Variants in GABRG3 observed in about 807,000 individuals in gnomAD.
GABRG3 encodes gamma-aminobutyric acid receptor subunit gamma-3.
In GABRG3, 25 loss-of-function variants were observed where a neutral mutation model predicts 48.8. The observed-to-expected ratio is 0.51, with a 90% CI of 0.37 to 0.72. The LOEUF (loss-of-function observed/expected upper bound fraction) is 0.72. GABRG3 is among the 30% of genes least tolerant of loss of function. The pLI is 0.00. For synonymous variants in GABRG3, 227 were observed against 217.6 expected, an observed-to-expected ratio of 1.04 and a Z score of -0.38; for missense variants, 394 against 577.9, an observed-to-expected ratio of 0.68 and a Z score of 3.26.
At chr15:27,034,859 A>G (rs1337484182) in intron 3 of GABRG3, among the ~76,000 whole-genome samples, 2 of 152,320 alleles carry the variant, frequency 1.3e-5, no homozygotes, top group Non-Finnish European at 2.9e-5. Flanking sequence ...CCTGCTCTAC[A>G]TGCCTGTACA....
intron 3 of GABRG3, among the ~76,000 whole-genome samples, chr15:27,177,655 A>T (rs924219141): frequency 3.9e-5 from 6 of 152,234 alleles, no homozygotes; most frequent in African/African-American, 1.4e-4. Flanking sequence ...GAGTTAACTG[A>T]GTTTGATTTC....
chr15:27,310,976 T>C (rs1892973767), intron 3 of GABRG3, among the ~76,000 whole-genome samples: 1 of 152,178 alleles, frequency 6.6e-6, no homozygotes, highest in Admixed American at 6.6e-5. Context: ...TAGTAGATTA[T>C]AGATTTAAAT....
chr15:27,318,392 A>G (rs1432560962), intron 3 of GABRG3, among the ~76,000 whole-genome samples: 1 of 152,146 alleles, frequency 6.6e-6, no homozygotes, highest in Non-Finnish European at 1.5e-5. Flanking sequence ...GTCCCCTCAG[A>G]TGGGACTTGC....
At position 27,528,556 on chromosome 15, in the gene GABRG3, G is replaced by T. The variant is rs182571576; in HGVS notation, c.1122+564G>T. On this transcript the variant is annotated intron_variant, in intron 9 of 9. Coordinates refer to ENST00000615808, the MANE Select transcript of GABRG3 (RefSeq NM_033223.5). Reference sequence around the variant, plus strand: ...CTAGGAGCAGAATGTTTGGGCAGAGGCGTTGCATGGTCTTTGCCAAATAGC... The same window carrying T: ...CTAGGAGCAGAATGTTTGGGCAGAGTCGTTGCATGGTCTTTGCCAAATAGC... Among the ~76,000 whole-genome samples, 3 of 152,226 alleles carry T rather than the reference G, an allele frequency of 2.0e-5. No individual in the cohort carries two copies. The East Asian group carries it at 5.8e-4, about 29-fold the overall frequency.
At chr15:27,469,529 T>C (rs1037914765) in intron 5 of GABRG3, among the ~76,000 whole-genome samples, 1 of 152,010 alleles carries the variant, frequency 6.6e-6, no homozygotes, top group East Asian at 1.9e-4. Context: ...TTAGTAGAGA[T>C]GTGGTTTTAC....
intron 3 of GABRG3, among the ~76,000 whole-genome samples, chr15:27,243,601 A>C (rs953628544): frequency 2.6e-5 from 4 of 152,108 alleles, no homozygotes; most frequent in African/African-American, 9.7e-5. Context: ...AGTTGAGAAT[A>C]TTTTGGGCTG....
Position 27,442,577 on chromosome 15 carries a change from C to T in GABRG3, c.575-38073C>T, listed in dbSNP as rs553242873. 6.6e-5 allele frequency among the ~76,000 whole-genome samples: 10 copies of T among 152,306 alleles called. No individual in the cohort carries two copies. In the South Asian group the frequency reaches 1.5e-3, roughly 22 times the overall value. On this transcript the variant is annotated intron_variant, in intron 5 of 9. Coordinates refer to ENST00000615808, the MANE Select transcript of GABRG3 (RefSeq NM_033223.5). ...TCTCATCAAGCCACCTGAACAAAAC[C>T]AGGCACCCTGGCAGCTAGAGCCCAC... is the stretch of plus-strand genomic sequence containing the variant.
chr15:27,532,515 G>A, intron 9 of GABRG3, 85 bp from the exon 10 acceptor site: 2 of 1,298,174 alleles, frequency 1.5e-6, no homozygotes, highest in Admixed American at 2.2e-5. Flanking sequence ...GGAGACAGAT[G>A]TAATATGGAC....
chr15:27,218,882 C>G (rs1889355593), intron 3 of GABRG3, among the ~76,000 whole-genome samples: 1 of 152,184 alleles, frequency 6.6e-6, no homozygotes, highest in South Asian at 2.1e-4. Flanking sequence ...CATTCACATT[C>G]ACACACGGAG....
intron 3 of GABRG3, among the ~76,000 whole-genome samples, chr15:27,268,663 A>G (rs1890992566): frequency 6.6e-6 from 1 of 152,086 alleles, no homozygotes; most frequent in African/African-American, 2.4e-5. Flanking sequence ...AGTGCAATAT[A>G]TTTTCTACTA....
intron 3 of GABRG3, among the ~76,000 whole-genome samples, chr15:27,120,446 G>A (rs1320152521): frequency 1.3e-5 from 2 of 152,126 alleles, no homozygotes; most frequent in African/African-American, 4.8e-5. Flanking sequence ...TCTTTCCTTA[G>A]GGATGCATAC....
chr15:27,134,640 C>T (rs208174), intron 3 of GABRG3, among the ~76,000 whole-genome samples: 35,240 of 152,040 alleles, frequency 0.23, 5,311 homozygotes, highest in Non-Finnish European at 0.33. Context: ...TCACTGTCCT[C>T]CTCAGAAAGA....
intron 5 of GABRG3, among the ~76,000 whole-genome samples, chr15:27,410,889 T>TGTGTGTGTGTGTGTGTGTG (rs1887777641): frequency 7.4e-6 from 1 of 134,684 alleles, no homozygotes; most frequent in Non-Finnish European, 1.6e-5. Context: ...TGTGTGTGTG[T>TGTGTGTGTGTGTGTGTGTG]TGGAATGCTT....
chr15:27,425,469 G>A (rs1451269354), intron 5 of GABRG3, among the ~76,000 whole-genome samples: 4 of 139,570 alleles, frequency 2.9e-5, no homozygotes, highest in East Asian at 2.2e-4. Flanking sequence ...AAAAAAAATA[G>A]GCGTGGTGGT....
intron 3 of GABRG3, among the ~76,000 whole-genome samples, chr15:27,067,981 A>G (rs919103166): frequency 6.6e-6 from 1 of 152,346 alleles, no homozygotes; most frequent in African/African-American, 2.4e-5. Flanking sequence ...AGGCTTAGCT[A>G]GTAAGTAGAG....
intron 6 of GABRG3, among the ~76,000 whole-genome samples, chr15:27,516,110 G>GAA (rs59600619): frequency 7.3e-5 from 9 of 123,230 alleles, no homozygotes; most frequent in Non-Finnish European, 1.3e-4. Context: ...AGCATTTTCA[G>GAA]AAAAAAAAAA....
rs1891637131 is a variant in GABRG3, at chr15:27,540,325, CG to C, written c.*7445del. On this transcript the variant is annotated 3_prime_UTR_variant, in exon 10 of 10. Coordinates refer to ENST00000615808, the MANE Select transcript of GABRG3 (RefSeq NM_033223.5). ...ATTTTATTCCTTTTCGTAAAGATAA[CG>C]TTTGAATTGTCTAACAACTATCTTT... 1 of 151,964 alleles carries C rather than the reference CG, an allele frequency of 6.6e-6. No individual in the cohort carries two copies. Among genetic ancestry groups the C allele is most frequent in the Non-Finnish European group, 1.5e-5 (1 of 68,006 alleles). The allele number at this position is 151,964 out of a possible 1,614,324, so 9.4% of individuals were successfully genotyped here. A position where few individuals can be genotyped will look rare whatever the true frequency, so the allele number is the denominator to read the frequency against.
intron 3 of GABRG3, among the ~76,000 whole-genome samples, chr15:27,095,286 A>C (rs1377451806): frequency 1.3e-5 from 2 of 152,242 alleles, no homozygotes; most frequent in African/African-American, 2.4e-5. Flanking sequence ...GCAAAAGTGC[A>C]TGGATTACAG....
chr15:27,358,483 G>T (rs1388490698), intron 5 of GABRG3, among the ~76,000 whole-genome samples: 1 of 151,984 alleles, frequency 6.6e-6, no homozygotes, highest in Non-Finnish European at 1.5e-5. Context: ...AGAGAGAAGG[G>T]CTGGTGGCAT....
Sources: allele counts gnomAD v4.1 joint callset (sites outside exome capture counted in the v4.1 genomes callset), GRCh38; gene constraint gnomAD v4.1.1; transcripts MANE v1.5; gene names NCBI Gene and HGNC (gene_info 2026-07-23, HGNC 2026-07-21).